NXPE4: variants seen among roughly 807,000 people sequenced by gnomAD.
NXPE4 encodes the protein neurexophilin and PC-esterase domain family member 4, also known as NXPE family member 4.
A neutral mutation model predicts 33.3 loss-of-function variants in NXPE4; 42 were observed. The observed-to-expected ratio is 1.26, with a 90% CI of 0.98 to 1.63. The LOEUF is 1.63. Ranked by LOEUF, NXPE4 falls within the 40% of genes most tolerant of loss-of-function variation. The pLI is 0.00. For synonymous variants in NXPE4, 253 were observed against 234.9 expected (o/e 1.08, Z -0.71); for missense variants, 709 against 647.6 (o/e 1.09, Z -1.03).
the NXPE4 span, among the ~76,000 whole-genome samples, chr11:114,618,034 G>A: frequency 1.0e-4 from 15 of 150,578 alleles, no homozygotes; most frequent in African/African-American, 1.7e-4. Context: ...GTGTTGCCTC[G>A]TGGGTAACAA....
At chr11:114,669,220 T>C in the NXPE4 span, among the ~76,000 whole-genome samples, 5 of 152,120 alleles carry the variant, frequency 3.3e-5, no homozygotes, top group African/African-American at 1.2e-4. Context: ...TCTTTGGAAA[T>C]TATCCCAAGG....
At chr11:114,587,556 C>T (rs891126227) in intron 2 of NXPE4, among the ~76,000 whole-genome samples, 4 of 152,170 alleles carry the variant, frequency 2.6e-5, no homozygotes, top group African/African-American at 4.8e-5. Context: ...CATGGGTGAG[C>T]ATGACTAATC....
chr11:114,669,927 A>G, the NXPE4 span, among the ~76,000 whole-genome samples: 1 of 152,052 alleles, frequency 6.6e-6, no homozygotes, highest in Non-Finnish European at 1.5e-5. Flanking sequence ...GCAAAAATTC[A>G]AAACATTGCA....
At chr11:114,638,571 C>T in the NXPE4 span, among the ~76,000 whole-genome samples, 2 of 151,818 alleles carry the variant, frequency 1.3e-5, 1 homozygote, top group Non-Finnish European at 2.9e-5. Flanking sequence ...TTTTTCTGCT[C>T]TGTTTTTTCC....
the NXPE4 span, among the ~76,000 whole-genome samples, chr11:114,618,774 T>TA: frequency 2.0e-5 from 3 of 152,044 alleles, no homozygotes; most frequent in African/African-American, 7.2e-5. Context: ...ATCTGGTGGA[T>TA]AAAAAGTGTT....
the NXPE4 span, among the ~76,000 whole-genome samples, chr11:114,608,560 T>C: frequency 2.6e-5 from 4 of 151,252 alleles, no homozygotes; most frequent in African/African-American, 9.7e-5. Flanking sequence ...TGTTGCATCG[T>C]GTGTATCCAC....
chr11:114,656,442 A>G, the NXPE4 span, among the ~76,000 whole-genome samples: 22 of 152,180 alleles, frequency 1.4e-4, no homozygotes, highest in Non-Finnish European at 2.9e-4. Context: ...TGAATTTCGT[A>G]TGGAATCAAA....
At chr11:114,663,340 C>T in the NXPE4 span, among the ~76,000 whole-genome samples, 1 of 152,106 alleles carries the variant, frequency 6.6e-6, no homozygotes, top group East Asian at 1.9e-4. Flanking sequence ...TTGTAGCCTG[C>T]CAATGTCTGG....
chr11:114,574,531 C>A (rs1324678763), intron 5 of NXPE4, among the ~76,000 whole-genome samples: 1 of 151,940 alleles, frequency 6.6e-6, no homozygotes, highest in Non-Finnish European at 1.5e-5. Context: ...ACAACTGATA[C>A]CACAGAAATA....
At chr11:114,582,192 C>T in intron 3 of NXPE4, 96 bp downstream of exon 3, 1 of 1,359,060 alleles carries the variant, frequency 7.4e-7, no homozygotes, top group African/African-American at 1.5e-5. Context: ...CTAAAGACAC[C>T]CAAAATTAAT....
chr11:114,668,666 G>A, the NXPE4 span, among the ~76,000 whole-genome samples: 2 of 151,992 alleles, frequency 1.3e-5, no homozygotes, highest in Non-Finnish European at 2.9e-5. Flanking sequence ...GAAGATAAAT[G>A]GGAGTGGGCA....
chr11:114,662,780 T>C, the NXPE4 span, among the ~76,000 whole-genome samples: 1 of 152,146 alleles, frequency 6.6e-6, no homozygotes, highest in African/African-American at 2.4e-5. Flanking sequence ...GAGTGACATT[T>C]CTGGATGCAT....
the NXPE4 span, among the ~76,000 whole-genome samples, chr11:114,627,757 G>A: frequency 6.6e-6 from 1 of 152,160 alleles, no homozygotes; most frequent in South Asian, 2.1e-4. Context: ...CCATCAGTGT[G>A]CTGTATTCAG....
chr11:114,580,421 T>G, intron 4 of NXPE4, 83 bp from the exon 5 acceptor site: 5 of 1,147,346 alleles, frequency 4.4e-6, no homozygotes, highest in Non-Finnish European at 6.5e-6. Flanking sequence ...ATCCTCTAAG[T>G]ATCCTAAGAG....
At chr11:114,602,236 A>T in the NXPE4 span, among the ~76,000 whole-genome samples, 16 of 115,362 alleles carry the variant, frequency 1.4e-4, no homozygotes, top group Non-Finnish European at 1.3e-4. Context: ...ATTATATATT[A>T]TACTATATAC....
At chr11:114,616,458 C>T in the NXPE4 span, among the ~76,000 whole-genome samples, 4 of 151,598 alleles carry the variant, frequency 2.6e-5, no homozygotes, top group African/African-American at 9.8e-5. Flanking sequence ...CCACTGTTAC[C>T]CAATGGATAA....
chr11:114,645,123 G>A, the NXPE4 span, among the ~76,000 whole-genome samples: 4 of 152,020 alleles, frequency 2.6e-5, no homozygotes, highest in African/African-American at 9.6e-5. Context: ...CCAACATGGT[G>A]AAACCCCATC....
At chr11:114,650,009 A>G in the NXPE4 span, among the ~76,000 whole-genome samples, 1 of 152,262 alleles carries the variant, frequency 6.6e-6, no homozygotes, top group Non-Finnish European at 1.5e-5. Flanking sequence ...AAAGGTCAAT[A>G]AAGATTTCTG....
At chr11:114,616,286 C>T in the NXPE4 span, among the ~76,000 whole-genome samples, 1 of 151,366 alleles carries the variant, frequency 6.6e-6, no homozygotes, top group Non-Finnish European at 1.5e-5. Flanking sequence ...TGGGTAGCCA[C>T]TGTAAGCCCC....
Sources: allele counts gnomAD v4.1 joint callset (sites outside exome capture counted in the v4.1 genomes callset), GRCh38; gene constraint gnomAD v4.1.1; transcripts MANE v1.5; gene names NCBI Gene and HGNC (gene_info 2026-07-23, HGNC 2026-07-21).